MMRN1: variants seen among roughly 807,000 people sequenced by gnomAD.
MMRN1 encodes the protein multimerin 1.
MMRN1 carries 94 observed loss-of-function variants against 100.7 expected under a neutral mutation model. That is an observed-to-expected ratio of 0.93 (90% confidence interval 0.79 to 1.11). The LOEUF is 1.11. MMRN1 is among the 50% of genes least tolerant of loss of function. The pLI, the probability that MMRN1 is intolerant of heterozygous loss-of-function variation, is 0.00. For missense variants in MMRN1, 1,606 were observed against 1,439.1 expected (o/e 1.12, Z -1.88); for synonymous variants, 575 against 505.0 (o/e 1.14, Z -1.86).
At chr4:89,930,197 T>A (rs1722393113) in intron 5 of MMRN1, among the ~76,000 whole-genome samples, 1 of 152,158 alleles carries the variant, frequency 6.6e-6, no homozygotes, top group Non-Finnish European at 1.5e-5. Context: ...AGATGCTTGT[T>A]TAGTAACAAA....
intron 1 of MMRN1, among the ~76,000 whole-genome samples, chr4:89,883,888 T>C (rs1578456510): frequency 6.6e-6 from 1 of 152,266 alleles, no homozygotes; most frequent in East Asian, 1.9e-4. Flanking sequence ...TATATTTAAA[T>C]CTATGAAACA....
chr4:89,900,676 A>G (rs796227000), intron 1 of MMRN1, among the ~76,000 whole-genome samples: 5 of 152,230 alleles, frequency 3.3e-5, no homozygotes, highest in African/African-American at 1.2e-4. Flanking sequence ...TGCCAGGTGC[A>G]TAGAAAGAGC....
At chr4:89,921,179 A>G (rs1722076132) in intron 3 of MMRN1, among the ~76,000 whole-genome samples, 2 of 152,020 alleles carry the variant, frequency 1.3e-5, no homozygotes, top group South Asian at 4.1e-4. Flanking sequence ...CCTATGATCT[A>G]GCCAAAAAGG....
rs556045544 is a variant in MMRN1, at chr4:89,946,649, A to G, written c.3119-4956A>G. Among the ~76,000 whole-genome samples the G allele has an allele frequency of 2.0e-5, 3 of 152,220 alleles. No homozygotes were observed. In the South Asian group the frequency reaches 6.2e-4, roughly 32 times the overall value. On this transcript the variant is annotated intron_variant, in intron 6 of 7. Coordinates refer to ENST00000264790, the MANE Select transcript of MMRN1 (RefSeq NM_007351.3). ...TCTCATGAAGTTCATACATTAATCG[A>G]GTAATTATAATAAAAAATGACAAAT...
intron 3 of MMRN1, among the ~76,000 whole-genome samples, chr4:89,918,635 G>A (rs1312135266): frequency 1.3e-5 from 2 of 151,640 alleles, no homozygotes; most frequent in East Asian, 1.9e-4. Flanking sequence ...AAGATTTCAA[G>A]TGTTTACTTG....
intron 5 of MMRN1, among the ~76,000 whole-genome samples, chr4:89,930,341 G>GT (rs1166527769): frequency 6.6e-6 from 1 of 152,126 alleles, no homozygotes; most frequent in African/African-American, 2.4e-5. Flanking sequence ...GTGTTAAAGT[G>GT]TAACAGCTAA....
At chr4:89,917,344 C>A (rs1355439718) in intron 3 of MMRN1, among the ~76,000 whole-genome samples, 5 of 151,672 alleles carry the variant, frequency 3.3e-5, no homozygotes, top group African/African-American at 1.2e-4. Context: ...GAAATAAATC[C>A]TGTGTAAAAT....
chr4:89,953,114 C>T lies in MMRN1; in HGVS notation c.3383C>T (p.Ala1128Val). 6.2e-7 allele frequency: 1 copy of T among 1,613,800 alleles called. No individual in the cohort carries two copies. The highest frequency in any genetic ancestry group is 8.5e-7 in the Non-Finnish European group (1 of 1,179,872). ...LFNNLDVNYG[A>V]SYTPRTGKFR... ...AATAACTTGGATGTCAATTATGGAGCTTCATATACCCCAAGAACTGGAAAA... is the reference window on the plus strand; with the variant it reads ...AATAACTTGGATGTCAATTATGGAGTTTCATATACCCCAAGAACTGGAAAA... The change falls in exon 8 of 8, where the codon GCT (alanine) becomes GTT (valine). Residue 1128 changes from alanine (A) to valine (V), a missense_variant. Physicochemically the swap from Ala to Val is moderately conservative, Grantham distance 64. Transcript: ENST00000264790.
At chr4:89,912,796 T>A (rs1421313499) in intron 3 of MMRN1, among the ~76,000 whole-genome samples, 3 of 151,238 alleles carry the variant, frequency 2.0e-5, no homozygotes, top group Non-Finnish European at 4.4e-5. Context: ...AATAAAACTG[T>A]GGAGAAACCG....
At chr4:89,922,065 T>C (rs1230470836) in intron 3 of MMRN1, among the ~76,000 whole-genome samples, 2 of 152,162 alleles carry the variant, frequency 1.3e-5, no homozygotes, top group South Asian at 2.1e-4. Flanking sequence ...TTTGATGTTC[T>C]CAATATTTTA....
intron 6 of MMRN1, among the ~76,000 whole-genome samples, chr4:89,940,042 G>GTA (rs748440740): frequency 1.1e-4 from 16 of 152,054 alleles, no homozygotes; most frequent in Non-Finnish European, 1.8e-4. Context: ...CTGATTCCTA[G>GTA]TAGGCCACTG....
chr4:89,882,850 C>T (rs1014205119), intron 1 of MMRN1, among the ~76,000 whole-genome samples: 9 of 151,956 alleles, frequency 5.9e-5, no homozygotes, highest in South Asian at 4.2e-4. Context: ...AATCTACAAC[C>T]GAAAGCAAGA....
chr4:89,949,369 C>T (rs1723087908), intron 6 of MMRN1, among the ~76,000 whole-genome samples: 1 of 152,124 alleles, frequency 6.6e-6, no homozygotes, highest in Non-Finnish European at 1.5e-5. Context: ...TGATACATTC[C>T]TAGTGAAACC....
At position 89,886,018 on chromosome 4, in the gene MMRN1, A is replaced by AT. The variant is rs539049128; in HGVS notation, c.-249+6422dup. Among the ~76,000 whole-genome samples, 998 of 141,368 alleles carry AT rather than the reference A, an allele frequency of 7.1e-3. 11 individuals carry two copies. Among genetic ancestry groups the AT allele is most frequent in the African/African-American group, 0.025 (960 of 38,584 alleles). 92.7% of individuals were successfully genotyped at this position (141,368 alleles called of 152,430 possible). ...CTTTCTTCTTCTTTTTTTATTTTTT[A>AT]TTTTTTATTAGCAACTATGCCTGGC... is the stretch of plus-strand genomic sequence containing the variant. On this transcript the variant is annotated intron_variant, in intron 1 of 8. Transcript: ENST00000394980.
chr4:89,895,525 G>C lies in MMRN1; in HGVS notation c.554G>C (p.Ser185Thr). The change falls in exon 1 of 8, where the codon AGC (serine) becomes ACC (threonine). Residue 185 changes from serine (S) to threonine (T), a missense_variant. Transcript: ENST00000264790. Reference protein sequence around the residue: ...GNRAPRETYLSRGDSSSSQRT... With the variant: ...GNRAPRETYLTRGDSSSSQRT... ...CGAGCCCCACGGGAAACATACCTCA[G>C]CCGGGGTGACAGCAGTTCCAGCCAA... 6.2e-7 allele frequency: 1 copy of C among 1,613,800 alleles called. No homozygotes were observed. The highest frequency in any genetic ancestry group is 8.5e-7 in the Non-Finnish European group (1 of 1,179,890).
At chr4:89,932,638 A>C (rs1328336380) in intron 5 of MMRN1, among the ~76,000 whole-genome samples, 2 of 152,172 alleles carry the variant, frequency 1.3e-5, no homozygotes, top group African/African-American at 2.4e-5. Flanking sequence ...CCAACACCAC[A>C]TGTAAGCCAC....
At chr4:89,914,581 A>G (rs563214995) in intron 3 of MMRN1, among the ~76,000 whole-genome samples, 74 of 151,614 alleles carry the variant, frequency 4.9e-4, no homozygotes, top group Non-Finnish European at 1.0e-3. Flanking sequence ...AATAGTTCTG[A>G]TATGTTTTAC....
rs746588604 is a variant in MMRN1 at position 89,953,201 on chromosome 4, A to G, written c.3470A>G (p.His1157Arg). The G allele has an allele frequency of 1.2e-5, 20 of 1,613,734 alleles. No individual in the cohort carries two copies. In the East Asian group the frequency reaches 4.5e-4, roughly 36 times the overall value. ...FKYTIESFSA[H>R]ISGFLVVDGI... ...TACACCATCGAGTCATTTAGTGCTC[A>G]TATTTCTGGATTTTTAGTGGTTGAT... The change falls in exon 8 of 8, where the codon CAT (histidine) becomes CGT (arginine). Residue 1157 changes from histidine to arginine, a missense_variant. Transcript: ENST00000264790.
rs1224527920 is a variant in MMRN1, at chr4:89,935,843, C to T, written c.2163C>T (p.Ala721=). The T allele has an allele frequency of 1.2e-6, 2 of 1,612,720 alleles. No homozygotes were observed. The highest frequency in any genetic ancestry group is 1.7e-6 in the Non-Finnish European group (2 of 1,179,482). The change falls in exon 6 of 8, where the codon GCC becomes GCT. Residue 721 remains alanine (A), a synonymous_variant. Coordinates refer to ENST00000264790, the MANE Select transcript of MMRN1 (RefSeq NM_007351.3). ...TAGAAAGACGTATCAATGAATATGC[C>T]TTAGAAATGGAAGATGGCCTCAATA... The part of the protein sequence containing the change: ...DALERRINEY[A]LEMEDGLNKT...
Sources: allele counts gnomAD v4.1 joint callset (sites outside exome capture counted in the v4.1 genomes callset), GRCh38; gene constraint gnomAD v4.1.1; transcripts MANE v1.5; gene names NCBI Gene and HGNC (gene_info 2026-07-23, HGNC 2026-07-21).